SLC8A1: variants seen among roughly 807,000 people sequenced by gnomAD.
SLC8A1 encodes the protein solute carrier family 8 member A1.
A neutral mutation model predicts 68.3 loss-of-function variants in SLC8A1; 18 were observed. The ratio of observed to expected loss-of-function variants is 0.26; its 90% CI spans 0.18 to 0.39. The LOEUF is 0.39. Among genes scored for constraint, SLC8A1 ranks in the 10% least tolerant of loss-of-function variants. SLC8A1 has a pLI of 1.00. For missense variants in SLC8A1, 985 were observed against 1,156.7 expected (o/e 0.85, Z 2.15); for synonymous variants, 475 against 415.5 (o/e 1.14, Z -1.74).
intron 2 of SLC8A1, among the ~76,000 whole-genome samples, chr2:40,256,452 G>T (rs113784349): frequency 0.021 from 3,140 of 152,228 alleles, 55 homozygotes; most frequent in Non-Finnish European, 0.028. Context: ...AATGCCAGAA[G>T]GCATGTAAAA....
At chr2:40,223,527 T>G (rs1421762280) in intron 2 of SLC8A1, 1 of 151,816 alleles carries the variant, frequency 6.6e-6, no homozygotes, top group Non-Finnish European at 1.5e-5. Context: ...TAAAAAAAAG[T>G]CTGAGTGTCT....
intron 2 of SLC8A1, among the ~76,000 whole-genome samples, chr2:40,309,171 G>T (rs1002189683): frequency 1.3e-5 from 2 of 152,156 alleles, no homozygotes; most frequent in African/African-American, 2.4e-5. Flanking sequence ...CAAGGTGACA[G>T]TGCTTTAGGT....
intron 2 of SLC8A1, among the ~76,000 whole-genome samples, chr2:40,205,815 T>TAA (rs2055319137): frequency 1.2e-5 from 1 of 86,890 alleles, no homozygotes. Context: ...AAAAATATCT[T>TAA]GAAAAAAAAA....
intron 2 of SLC8A1, among the ~76,000 whole-genome samples, chr2:40,307,346 T>C (rs763645131): frequency 2.0e-5 from 3 of 151,950 alleles, no homozygotes; most frequent in Non-Finnish European, 4.4e-5. Context: ...AGTAGTAAAA[T>C]TAATAGAAAG....
intron 2 of SLC8A1, among the ~76,000 whole-genome samples, chr2:40,253,074 A>G (rs2063174473): frequency 1.7e-5 from 2 of 118,414 alleles, no homozygotes; most frequent in Admixed American, 1.9e-4. Flanking sequence ...TATACTATAT[A>G]TGTGTATAAA....
intron 2 of SLC8A1, among the ~76,000 whole-genome samples, chr2:40,420,557 A>G (rs1043986327): frequency 1.3e-4 from 20 of 152,172 alleles, no homozygotes; most frequent in Non-Finnish European, 1.5e-5. Context: ...GCCAAAACCA[A>G]CAATAACTAG....
chr2:40,368,691 C>G (rs1278609945), intron 2 of SLC8A1, among the ~76,000 whole-genome samples: 2 of 151,910 alleles, frequency 1.3e-5, no homozygotes, highest in African/African-American at 4.8e-5. Flanking sequence ...TTTGAAAACC[C>G]AGGTTAAGCC....
chr2:40,317,452 C>G (rs937526765), intron 2 of SLC8A1, among the ~76,000 whole-genome samples: 6 of 151,992 alleles, frequency 3.9e-5, no homozygotes, highest in Admixed American at 3.9e-4. Context: ...AAATAAAAAG[C>G]TTAAAGCAAG....
At chr2:40,228,171 G>C (rs189271150) in intron 2 of SLC8A1, among the ~76,000 whole-genome samples, 81 of 152,268 alleles carry the variant, frequency 5.3e-4, no homozygotes, top group African/African-American at 1.9e-3. Context: ...ATGAAAGTCA[G>C]TCATCCCATA....
intron 2 of SLC8A1, among the ~76,000 whole-genome samples, chr2:40,295,743 C>A (rs2070250947): frequency 6.6e-6 from 1 of 152,092 alleles, no homozygotes; most frequent in South Asian, 2.1e-4. Flanking sequence ...ATTATGAATC[C>A]TATAAAGGAA....
At chr2:40,295,608 G>T (rs1305745365) in intron 2 of SLC8A1, among the ~76,000 whole-genome samples, 1 of 152,124 alleles carries the variant, frequency 6.6e-6, no homozygotes, top group East Asian at 1.9e-4. Flanking sequence ...GATGCTAAAA[G>T]GGAGGATTAC....
chr2:40,184,755 AGACCT>A (rs376929065), intron 2 of SLC8A1, among the ~76,000 whole-genome samples: 69 of 152,238 alleles, frequency 4.5e-4, no homozygotes, highest in African/African-American at 1.6e-3. Context: ...GACTCCAGAA[AGACCT>A]GACCCAGGAC....
chr2:40,359,883 C>A (rs1220683121), intron 2 of SLC8A1, among the ~76,000 whole-genome samples: 2 of 149,020 alleles, frequency 1.3e-5, no homozygotes, highest in Non-Finnish European at 3.0e-5. Flanking sequence ...AACATCTCAT[C>A]AAAAATATGC....
intron 2 of SLC8A1, among the ~76,000 whole-genome samples, chr2:40,378,840 G>C (rs1680794510): frequency 6.6e-6 from 1 of 152,054 alleles, no homozygotes; most frequent in African/African-American, 2.4e-5. Flanking sequence ...TGCTGAGGTT[G>C]AGCTCAATGC....
At chr2:40,359,581 G>C (rs982142445) in intron 2 of SLC8A1, among the ~76,000 whole-genome samples, 3 of 152,070 alleles carry the variant, frequency 2.0e-5, no homozygotes, top group African/African-American at 7.2e-5. Context: ...ATAACAGTTT[G>C]GTTTAGGGTC....
rs138495278 is a variant in SLC8A1 at position 40,289,435 on chromosome 2, T to C, written c.1809-111580A>G. ...AAACCTTAACAACTTTCTTGCCAGA[T>C]TGCTTTGAATCCCTAAATGCCTTAT... On this transcript the variant is annotated intron_variant, in intron 2 of 7. Transcript: ENST00000406785. Among the ~76,000 whole-genome samples the C allele has an allele frequency of 3.2e-4, 48 of 152,296 alleles. No homozygotes were observed. In the East Asian group the frequency reaches 7.3e-3, roughly 23 times the overall value.
chr2:40,432,964 G>A (rs1052126688), intron 1 of SLC8A1, among the ~76,000 whole-genome samples: 4 of 152,086 alleles, frequency 2.6e-5, no homozygotes, highest in African/African-American at 9.7e-5. Flanking sequence ...ATGTCTTGGG[G>A]ACCTGAAAGA....
chr2:40,354,972 G>A (rs1672239817), intron 2 of SLC8A1, among the ~76,000 whole-genome samples: 1 of 152,154 alleles, frequency 6.6e-6, no homozygotes, highest in Admixed American at 6.6e-5. Flanking sequence ...AATGCTTTTT[G>A]AAGAGTGTTT....
intron 1 of SLC8A1, among the ~76,000 whole-genome samples, chr2:40,510,233 C>G (rs1353611630): frequency 1.3e-5 from 2 of 152,148 alleles, no homozygotes; most frequent in Admixed American, 1.3e-4. Context: ...ATAGTCATCA[C>G]TAAATGCTTA....
Sources: allele counts gnomAD v4.1 joint callset (sites outside exome capture counted in the v4.1 genomes callset), GRCh38; gene constraint gnomAD v4.1.1; transcripts MANE v1.5; gene names NCBI Gene and HGNC (gene_info 2026-07-23, HGNC 2026-07-21).